The following TNIP1 variants were observed in gnomAD, a reference collection of about 807,000 sequenced individuals.
TNIP1 encodes the protein TNFAIP3 interacting protein 1, also known as TNFAIP3-interacting protein 1.
TNIP1 carries 22 observed loss-of-function variants against 86.6 expected under a neutral mutation model. The ratio of observed to expected loss-of-function variants is 0.25; its 90% CI spans 0.18 to 0.36. The LOEUF is 0.36. Ranked by LOEUF, TNIP1 falls within the 10% of genes least tolerant of loss-of-function variation. The pLI is 1.00. For synonymous variants in TNIP1, 294 were observed against 313.0 expected, an observed-to-expected ratio of 0.94 and a Z score of 0.64; for missense variants, 709 against 820.6, an observed-to-expected ratio of 0.86 and a Z score of 1.66.
chr5:151,063,880 G>A, intron 2 of TNIP1, 133 bp from the exon 3 acceptor site: 2 of 1,137,392 alleles, frequency 1.8e-6, no homozygotes. Flanking sequence ...TCCCACCGTT[G>A]CTCTGTGGGC....
At chr5:151,073,792 C>G (rs572769021) in intron 1 of TNIP1, among the ~76,000 whole-genome samples, 1 of 151,856 alleles carries the variant, frequency 6.6e-6, no homozygotes, top group East Asian at 1.9e-4. Flanking sequence ...CCCAGCTACT[C>G]GGAAAGTTGA....
intron 9 of TNIP1, among the ~76,000 whole-genome samples, chr5:151,044,042 A>T (rs1469970273): frequency 6.6e-6 from 1 of 152,222 alleles, no homozygotes; most frequent in Non-Finnish European, 1.5e-5. Context: ...TATGTTATAG[A>T]TATGAATAGA....
rs771935754 is a variant in TNIP1 at position 151,056,836 on chromosome 5, C to A, written c.557G>T (p.Arg186Leu). 16 of 1,598,084 alleles carry A rather than the reference C, an allele frequency of 1.0e-5. No individual in the cohort carries two copies. The highest frequency in any genetic ancestry group is 5.2e-5 in the Admixed American group (3 of 57,774). ...DHGQLFTHLGRMALEFNRLAS... is the reference protein window; with the variant it reads ...DHGQLFTHLGLMALEFNRLAS... ...CAGTCGGTTGAACTCCAGGGCCATG[C>A]GGCCCAGGTGGGTGAAGAGCTGGCC... Residue 186 changes from arginine to leucine, a missense_variant, in exon 6 of 18, where the codon CGC (arginine) becomes CTC (leucine). Arg to Leu is a moderately radical substitution (Grantham distance 102). Transcript: ENST00000521591.
At chr5:151,073,892 C>CT (rs1763097245) in intron 1 of TNIP1, among the ~76,000 whole-genome samples, 1 of 152,140 alleles carries the variant, frequency 6.6e-6, no homozygotes, top group East Asian at 1.9e-4. Flanking sequence ...GACTAATACT[C>CT]TGTCTCTTAA....
chr5:151,029,943 T>C, downstream of TNIP1: 1 of 412,022 alleles, frequency 2.4e-6, no homozygotes, highest in South Asian at 1.7e-5. Context: ...TGAGTCAGAA[T>C]GTTGATCTTC....
At chr5:151,080,711 G>A (rs962032541) in intron 1 of TNIP1, among the ~76,000 whole-genome samples, 169 bp downstream of exon 1, 2 of 152,220 alleles carry the variant, frequency 1.3e-5, no homozygotes, top group African/African-American at 4.8e-5. Context: ...GGGAGTAGCG[G>A]CTCAGCCCGG....
intron 15 of TNIP1, among the ~76,000 whole-genome samples, chr5:151,034,260 A>C (rs1339680670): frequency 6.8e-6 from 1 of 146,894 alleles, no homozygotes; most frequent in Non-Finnish European, 1.5e-5. Flanking sequence ...AAGCTAGTAC[A>C]TGGGCACAGA....
chr5:151,057,717 A>G (rs1368611535), intron 5 of TNIP1, among the ~76,000 whole-genome samples: 1 of 152,230 alleles, frequency 6.6e-6, no homozygotes, highest in Non-Finnish European at 1.5e-5. Context: ...ATTCCGTCCC[A>G]AAACAAACAA....
chr5:151,055,450 A>G (rs1243044634), intron 6 of TNIP1, among the ~76,000 whole-genome samples: 1 of 152,052 alleles, frequency 6.6e-6, no homozygotes, highest in East Asian at 1.9e-4. Context: ...CAGCCTAGGC[A>G]CTGTGCCAGG....
At position 151,060,330 on chromosome 5, in the gene TNIP1, A is replaced by G; in HGVS notation, c.423T>C (p.His141=). ...CCCGTCCACTCACCATCGCATTGGCATGGCTGCTGCTCTCTGGTGAATTCT... is the reference window on the plus strand; with the variant it reads ...CCCGTCCACTCACCATCGCATTGGCGTGGCTGCTGCTCTCTGGTGAATTCT... ...EEQNSPESSS[H]ANAMALGPLP... The change falls in exon 5 of 18, where the codon CAT becomes CAC. Residue 141 remains histidine (H), a synonymous_variant. Coordinates refer to ENST00000521591, the MANE Select transcript of TNIP1 (RefSeq NM_006058.5). 6.2e-7 allele frequency: 1 copy of G among 1,614,156 alleles called. No homozygotes were observed. Among genetic ancestry groups the G allele is most frequent in the African/African-American group, 1.3e-5 (1 of 75,044 alleles).
At chr5:151,050,379 C>T (rs1358402221) in intron 7 of TNIP1, among the ~76,000 whole-genome samples, 10 of 152,230 alleles carry the variant, frequency 6.6e-5, no homozygotes, top group South Asian at 2.1e-4. Context: ...AAGGTGCAGG[C>T]TGCAGGCCCA....
chr5:151,073,122 T>G (rs1762994718), intron 1 of TNIP1, among the ~76,000 whole-genome samples: 1 of 150,392 alleles, frequency 6.6e-6, no homozygotes, highest in Non-Finnish European at 1.5e-5. Flanking sequence ...CTGGGGAGGC[T>G]GAGGTAGGAG....
chr5:151,035,365 T>C (rs2113286319), intron 14 of TNIP1, among the ~76,000 whole-genome samples: 1 of 152,312 alleles, frequency 6.6e-6, no homozygotes, highest in South Asian at 2.1e-4. Flanking sequence ...GAACTGACTG[T>C]GGAAAGTCAG....
Position 151,030,437 on chromosome 5 carries a change from G to T in TNIP1, c.*276C>A. Reference sequence around the variant, plus strand: ...CTGGAGGCTTCTGCAACGGATGGTGGGTCAAAGCCGGATGAGGCCTCTCTC... The same window carrying T: ...CTGGAGGCTTCTGCAACGGATGGTGTGTCAAAGCCGGATGAGGCCTCTCTC... On this transcript the variant is annotated 3_prime_UTR_variant, in exon 18 of 18. Coordinates refer to ENST00000521591, the MANE Select transcript of TNIP1 (RefSeq NM_006058.5). The T allele has an allele frequency of 1.8e-6, 1 of 549,596 alleles. No homozygotes were observed. Among genetic ancestry groups the T allele is most frequent in the Non-Finnish European group, 3.3e-6 (1 of 306,534 alleles). The allele number at this position is 549,596 out of a possible 1,614,324, so 34.0% of individuals were successfully genotyped here. A position where few individuals can be genotyped will look rare whatever the true frequency, so the allele number is the denominator to read the frequency against.
chr5:151,082,679 C>T (rs528916848), upstream of TNIP1, among the ~76,000 whole-genome samples: 31 of 152,316 alleles, frequency 2.0e-4, no homozygotes, highest in South Asian at 4.8e-3. Flanking sequence ...TGGCCTTAGC[C>T]GGGCAGACAG....
chr5:151,070,803 C>G (rs539755715), intron 1 of TNIP1, among the ~76,000 whole-genome samples: 2 of 152,080 alleles, frequency 1.3e-5, no homozygotes, highest in African/African-American at 4.8e-5. Flanking sequence ...CATCAAAGGC[C>G]GGGTTGGATT....
chr5:151,085,738 T>TG (rs2113870490), upstream of TNIP1, among the ~76,000 whole-genome samples: 1 of 152,348 alleles, frequency 6.6e-6, no homozygotes, highest in East Asian at 1.9e-4. Context: ...AAGCTGGATC[T>TG]GGGCTTGCAT....
At chr5:151,047,839 T>C (rs1034341129) in intron 8 of TNIP1, among the ~76,000 whole-genome samples, 2 of 152,134 alleles carry the variant, frequency 1.3e-5, no homozygotes, top group African/African-American at 4.8e-5. Context: ...TTCAATGCGA[T>C]GAGAAGCTCA....
At chr5:151,035,774 A>G in intron 13 of TNIP1, 67 bp from the exon 14 acceptor site, 1 of 1,596,700 alleles carries the variant, frequency 6.3e-7, no homozygotes, top group African/African-American at 1.3e-5. Flanking sequence ...CCTCAGGCCC[A>G]GACTCCCATG....
Sources: allele counts gnomAD v4.1 joint callset (sites outside exome capture counted in the v4.1 genomes callset), GRCh38; gene constraint gnomAD v4.1.1; transcripts MANE v1.5; gene names NCBI Gene and HGNC (gene_info 2026-07-23, HGNC 2026-07-21).